The following EPHB2 variants were observed in gnomAD, a reference collection of about 807,000 sequenced individuals.
EPHB2 encodes EPH receptor B2, also known as ephrin type-B receptor 2.
A neutral mutation model predicts 96.4 loss-of-function variants in EPHB2; 18 were observed. The ratio of observed to expected loss-of-function variants is 0.19; its 90% CI spans 0.13 to 0.28. EPHB2 has a LOEUF of 0.28. EPHB2 is among the 10% of genes least tolerant of loss of function. The pLI is 1.00. For missense variants in EPHB2, 989 were observed against 1,355.4 expected, an observed-to-expected ratio of 0.73 and a Z score of 4.25; for synonymous variants, 506 against 534.1, an observed-to-expected ratio of 0.95 and a Z score of 0.72.
intron 6 of EPHB2, among the ~76,000 whole-genome samples, chr1:22,892,280 G>A (rs915566090): frequency 2.0e-5 from 3 of 152,076 alleles, no homozygotes; most frequent in African/African-American, 4.8e-5. Flanking sequence ...TTCTCCCTTC[G>A]GTCTCCAAGA....
At chr1:22,811,009 G>A (rs566046881) in intron 3 of EPHB2, among the ~76,000 whole-genome samples, 10 of 152,118 alleles carry the variant, frequency 6.6e-5, no homozygotes, top group African/African-American at 2.2e-4. Flanking sequence ...CTAAACTAGG[G>A]AGTCAGAAGA....
intron 3 of EPHB2, among the ~76,000 whole-genome samples, chr1:22,852,735 T>G (rs1645641213): frequency 6.6e-6 from 1 of 152,200 alleles, no homozygotes; most frequent in South Asian, 2.1e-4. Flanking sequence ...ACAGCAGTCA[T>G]GAAAGTCCCG....
intron 1 of EPHB2, among the ~76,000 whole-genome samples, chr1:22,715,384 G>T (rs923649942): frequency 2.6e-5 from 4 of 152,030 alleles, no homozygotes; most frequent in Non-Finnish European, 5.9e-5. Flanking sequence ...CACTTCTGAT[G>T]GGGGGTGGGG....
intron 3 of EPHB2, among the ~76,000 whole-genome samples, chr1:22,809,103 C>T (rs1043721597): frequency 3.9e-5 from 6 of 152,362 alleles, no homozygotes; most frequent in South Asian, 4.1e-4. Flanking sequence ...GACAGCTTCC[C>T]GGCGGTGCCT....
At chr1:22,735,989 C>T (rs187252185) in intron 1 of EPHB2, among the ~76,000 whole-genome samples, 78 of 152,320 alleles carry the variant, frequency 5.1e-4, no homozygotes, top group Middle Eastern at 3.4e-3. Flanking sequence ...TACACCTACA[C>T]GCTCTGTGAC....
chr1:22,810,185 G>A (rs1172183701), intron 3 of EPHB2, among the ~76,000 whole-genome samples: 4 of 152,110 alleles, frequency 2.6e-5, no homozygotes, highest in South Asian at 4.1e-4. Context: ...GGAGACCTGG[G>A]CACCAGCCAA....
intron 6 of EPHB2, among the ~76,000 whole-genome samples, chr1:22,884,606 T>G (rs1639163271): frequency 1.7e-5 from 2 of 116,972 alleles, no homozygotes; most frequent in African/African-American, 3.5e-5. Flanking sequence ...GGTGACAGAG[T>G]GAGATGCTGT....
At chr1:22,779,929 A>G (rs2817908) in intron 1 of EPHB2, among the ~76,000 whole-genome samples, 151,930 of 152,304 alleles carry the variant, frequency 1, 75,778 homozygotes, top group Middle Eastern at 1. Flanking sequence ...CTCACTGAGC[A>G]AGGTGGTGTC....
At chr1:22,759,451 C>T (rs1644204196) in intron 1 of EPHB2, among the ~76,000 whole-genome samples, 1 of 152,150 alleles carries the variant, frequency 6.6e-6, no homozygotes, top group African/African-American at 2.4e-5. Context: ...CCCCCATTAT[C>T]TGTCTTGCCC....
chr1:22,872,957 G>A (rs746256503), intron 5 of EPHB2, among the ~76,000 whole-genome samples: 2 of 152,214 alleles, frequency 1.3e-5, no homozygotes, highest in African/African-American at 4.8e-5. Context: ...TCCCTGGGCC[G>A]AGCCCTCTCC....
In EPHB2 at chr1:22,799,185, G is replaced by A. The variant is rs115362564; in HGVS notation, c.811+14109G>A. On this transcript the variant is annotated intron_variant, in intron 3 of 15. Coordinates refer to ENST00000374630, the MANE Select transcript of EPHB2 (RefSeq NM_017449.5). Reference sequence around the variant, plus strand: ...CCCTCCTGTGGAGCTCAGTGTCACCGTCTGTAGAATGTGCCTAACAGTCCC... The same window carrying A: ...CCCTCCTGTGGAGCTCAGTGTCACCATCTGTAGAATGTGCCTAACAGTCCC... Among the ~76,000 whole-genome samples the A allele has an allele frequency of 7.9e-3, 1,204 of 152,220 alleles. 17 individuals carry two copies. Among genetic ancestry groups the A allele is most frequent in the African/African-American group, 0.027 (1,108 of 41,516 alleles).
At position 22,828,537 on chromosome 1, in the gene EPHB2, T is replaced by A. The variant is rs139044600; in HGVS notation, c.812-34500T>A. The stretch of plus-strand genomic sequence containing the variant: ...AAGCTGGAGACCTTTCGGAGAGAAC[T>A]GTGAACACTGATAGAACGGTCAAGC... On this transcript the variant is annotated intron_variant, in intron 3 of 15. Transcript: ENST00000374630. Among the ~76,000 whole-genome samples the A allele has an allele frequency of 3.1e-3, 468 of 152,228 alleles. 2 individuals are homozygous for A. The highest frequency in any genetic ancestry group is 4.3e-3 in the Non-Finnish European group (293 of 68,006).
Position 22,892,921 on chromosome 1 carries a change from C to T in EPHB2, c.1466C>T (p.Pro489Leu), listed in dbSNP as rs1570447491. ...TACAACGCCACAGCCATAAAAAGCC[C>T]CACCAACACGGTCACCGTGCAGGGC... is the stretch of plus-strand genomic sequence containing the variant. ...SEYNATAIKS[P>L]TNTVTVQGLK... The change falls in exon 7 of 16, where the codon CCC becomes CTC. Residue 489 changes from proline (P) to leucine (L), a missense_variant. By Grantham distance (98) the Pro-to-Leu change is moderately conservative. Coordinates refer to ENST00000374630, the MANE Select transcript of EPHB2 (RefSeq NM_017449.5). 3.7e-6 allele frequency: 6 copies of T among 1,614,216 alleles called. No individual in the cohort carries two copies. Among genetic ancestry groups the T allele is most frequent in the Non-Finnish European group, 5.1e-6 (6 of 1,180,038 alleles).
At chr1:22,817,161 C>T (rs1645086979) in intron 3 of EPHB2, among the ~76,000 whole-genome samples, 1 of 152,232 alleles carries the variant, frequency 6.6e-6, no homozygotes, top group Non-Finnish European at 1.5e-5. Context: ...GCTCCCTCCA[C>T]AGGGTCAGAC....
chr1:22,828,418 C>T (rs1645255604), intron 3 of EPHB2, among the ~76,000 whole-genome samples: 1 of 152,214 alleles, frequency 6.6e-6, no homozygotes, highest in Non-Finnish European at 1.5e-5. Context: ...CCTAGCAGCT[C>T]CTGGAGCCTC....
At chr1:22,867,330 T>G (rs762381251) in intron 5 of EPHB2, among the ~76,000 whole-genome samples, 5 of 152,204 alleles carry the variant, frequency 3.3e-5, no homozygotes, top group Non-Finnish European at 7.3e-5. Flanking sequence ...CTGCAGGGCC[T>G]TGGGGACAGG....
At chr1:22,757,012 A>G (rs1644161998) in intron 1 of EPHB2, among the ~76,000 whole-genome samples, 1 of 152,218 alleles carries the variant, frequency 6.6e-6, no homozygotes, top group African/African-American at 2.4e-5. Flanking sequence ...TCTTCTGGGG[A>G]AAGAGCTTTG....
intron 1 of EPHB2, among the ~76,000 whole-genome samples, chr1:22,757,843 A>G (rs888394443): frequency 1.6e-5 from 2 of 124,186 alleles, no homozygotes; most frequent in South Asian, 3.3e-4. Context: ...AGCCTGAGTG[A>G]CATAGTGAGA....
chr1:22,851,685 C>A (rs1363137682), intron 3 of EPHB2, among the ~76,000 whole-genome samples: 1 of 152,210 alleles, frequency 6.6e-6, no homozygotes, highest in Non-Finnish European at 1.5e-5. Context: ...TGTCTGAGAC[C>A]CTGCCTTACT....
Sources: allele counts gnomAD v4.1 joint callset (sites outside exome capture counted in the v4.1 genomes callset), GRCh38; gene constraint gnomAD v4.1.1; transcripts MANE v1.5; gene names NCBI Gene and HGNC (gene_info 2026-07-23, HGNC 2026-07-21).